The following OR3A2 variants were observed in gnomAD, a reference collection of about 807,000 sequenced individuals.
OR3A2 encodes olfactory receptor family 3 subfamily A member 2.
For synonymous variants in OR3A2, 126 were observed against 159.3 expected (o/e 0.79, Z 1.57); for missense variants, 318 against 392.8 (o/e 0.81, Z 1.61).
rs1457235699 is a variant in OR3A2 at position 3,328,770 on chromosome 17, G to T, written c.-85+7263C>A. Among the ~76,000 whole-genome samples, 30 of 143,646 alleles carry T rather than the reference G, an allele frequency of 2.1e-4. 1 individual carries two copies. Among genetic ancestry groups the T allele is most frequent in the Non-Finnish European group, 3.0e-4 (20 of 66,676 alleles). The allele number at this position is 143,646 out of a possible 152,430, so 94.2% of individuals were successfully genotyped here. On this transcript the variant is annotated intron_variant, in intron 3 of 4. Coordinates refer to the OR3A2 transcript ENST00000573491. Reference sequence around the variant, plus strand: ...TTATTGAGAGTTTTTAGCATGAAGGGTTGTTGAATTTTGTCAAAGGCCTTT... The same window carrying T: ...TTATTGAGAGTTTTTAGCATGAAGGTTTGTTGAATTTTGTCAAAGGCCTTT...
At chr17:3,329,279 A>G (rs2049207672) in intron 3 of OR3A2, among the ~76,000 whole-genome samples, 1 of 150,988 alleles carries the variant, frequency 6.6e-6, no homozygotes. Flanking sequence ...TAGTTTCAGA[A>G]GGAATGGTAC....
chr17:3,384,296 C>T (rs2049761696), intron 1 of OR3A2, among the ~76,000 whole-genome samples: 1 of 152,206 alleles, frequency 6.6e-6, no homozygotes, highest in South Asian at 2.1e-4. Context: ...ACTGAAGTCA[C>T]TTGGTTAACT....
chr17:3,279,066 A>C lies in OR3A2; in HGVS notation c.-6-143T>G. 7.2e-7 allele frequency: 1 copy of C among 1,391,908 alleles called. No individual in the cohort carries two copies. 86.2% of individuals were successfully genotyped at this position (1,391,908 alleles called of 1,614,324 possible). On this transcript the variant is annotated intron_variant, in intron 1 of 1. Coordinates refer to ENST00000642052, the Ensembl canonical transcript of OR3A2. ...CTCGTTGACCTCCTCCATCACCTCA[A>C]TGCCTTTACCTTGCTCTTGGTTGAC... is the stretch of plus-strand genomic sequence containing the variant.
intron 2 of OR3A2, among the ~76,000 whole-genome samples, chr17:3,371,546 G>A (rs1196818972): frequency 0.011 from 1,634 of 143,024 alleles, 30 homozygotes; most frequent in African/African-American, 0.04. Context: ...CCTCCCGGAC[G>A]GGGCGGCTGG....
chr17:3,371,206 C>A (rs188966067), intron 2 of OR3A2, among the ~76,000 whole-genome samples: 4,475 of 151,850 alleles, frequency 0.029, 112 homozygotes, highest in Non-Finnish European at 0.049. Context: ...GGCAGAGGCG[C>A]CCCTCACCTC....
chr17:3,371,385 C>T (rs1424465577), intron 2 of OR3A2, among the ~76,000 whole-genome samples: 1 of 149,340 alleles, frequency 6.7e-6, no homozygotes, highest in African/African-American at 2.5e-5. Context: ...GACCCCCCCA[C>T]CTCCCTCCCG....
intron 2 of OR3A2, among the ~76,000 whole-genome samples, chr17:3,382,005 G>A (rs921277514): frequency 6.6e-6 from 1 of 152,128 alleles, no homozygotes; most frequent in African/African-American, 2.4e-5. Flanking sequence ...GCAAATGAGG[G>A]CCAAGTTCCC....
At chr17:3,376,677 C>A (rs983392864) in intron 2 of OR3A2, among the ~76,000 whole-genome samples, 1 of 152,168 alleles carries the variant, frequency 6.6e-6, no homozygotes, top group Non-Finnish European at 1.5e-5. Flanking sequence ...GGCAGCAGGG[C>A]TGAGATCTTC....
At chr17:3,378,644 C>T (rs2049706093) in intron 2 of OR3A2, among the ~76,000 whole-genome samples, 1 of 152,184 alleles carries the variant, frequency 6.6e-6, no homozygotes, top group East Asian at 1.9e-4. Context: ...ACCTCCCCTG[C>T]TGCAGCTGGC....
chr17:3,334,692 T>C (rs1047586162), intron 3 of OR3A2, among the ~76,000 whole-genome samples: 3 of 152,230 alleles, frequency 2.0e-5, no homozygotes, highest in African/African-American at 4.8e-5. Context: ...AATTTATAGA[T>C]TGATTTCAGA....
intron 2 of OR3A2, among the ~76,000 whole-genome samples, chr17:3,344,431 G>A (rs1031677273): frequency 6.6e-6 from 1 of 152,064 alleles, no homozygotes; most frequent in Non-Finnish European, 1.5e-5. Context: ...CTGTACCTTG[G>A]AGACTCTGAC....
At chr17:3,385,560 T>A (rs541339381) in intron 1 of OR3A2, among the ~76,000 whole-genome samples, 1 of 152,282 alleles carries the variant, frequency 6.6e-6, no homozygotes, top group Non-Finnish European at 1.5e-5. Context: ...ATTCACTGTA[T>A]CCAACAACCA....
intron 2 of OR3A2, among the ~76,000 whole-genome samples, chr17:3,358,429 C>G (rs1286958892): frequency 6.6e-6 from 1 of 151,592 alleles, no homozygotes; most frequent in Admixed American, 6.6e-5. Flanking sequence ...ATGAATTTCC[C>G]TCTTAACATT....
intron 3 of OR3A2, among the ~76,000 whole-genome samples, chr17:3,328,073 G>GT (rs1470246462): frequency 6.9e-6 from 1 of 145,432 alleles, no homozygotes; most frequent in Non-Finnish European, 1.5e-5. Context: ...CTTTAAAGTA[G>GT]TTTTTTCCAA....
At chr17:3,283,586 C>A (rs1315873092) in intron 1 of OR3A2, among the ~76,000 whole-genome samples, 1 of 152,136 alleles carries the variant, frequency 6.6e-6, no homozygotes, top group Non-Finnish European at 1.5e-5. Context: ...TCAGTATGAG[C>A]TAGAGTTCTC....
At chr17:3,366,116 C>G (rs530450228) in intron 2 of OR3A2, among the ~76,000 whole-genome samples, 20 of 152,318 alleles carry the variant, frequency 1.3e-4, no homozygotes, top group African/African-American at 4.6e-4. Context: ...ACCATCTCTT[C>G]AAGTTAACAT....
chr17:3,361,787 G>A (rs1390991548), intron 2 of OR3A2, among the ~76,000 whole-genome samples: 3 of 151,578 alleles, frequency 2.0e-5, no homozygotes, highest in Admixed American at 6.6e-5. Flanking sequence ...AGGTGGATAC[G>A]CTTTTTGATG....
At chr17:3,292,086 A>G in intron 3 of OR3A2, 2 of 1,614,228 alleles carry the variant, frequency 1.2e-6, no homozygotes, top group Non-Finnish European at 1.7e-6. Context: ...GAGCGTGGAC[A>G]TGGCCACAGT....
intron 2 of OR3A2, among the ~76,000 whole-genome samples, chr17:3,350,605 C>A (rs1327115538): frequency 2.0e-5 from 3 of 150,082 alleles, no homozygotes; most frequent in Non-Finnish European, 4.5e-5. Flanking sequence ...ACCAGAGGTA[C>A]AAGGAGGAAC....
Sources: allele counts gnomAD v4.1 joint callset (sites outside exome capture counted in the v4.1 genomes callset), GRCh38; gene constraint gnomAD v4.1.1; transcripts MANE v1.5; gene names NCBI Gene and HGNC (gene_info 2026-07-23, HGNC 2026-07-21).